Variants in SRSF4 observed in about 807,000 individuals in gnomAD.
The protein encoded by SRSF4 is serine/arginine-rich splicing factor 4.
In SRSF4, 12 loss-of-function variants were observed where a neutral mutation model predicts 48.8. The ratio of observed to expected loss-of-function variants is 0.25; its 90% CI spans 0.16 to 0.40. The LOEUF is 0.40. SRSF4 is among the 10% of genes least tolerant of loss of function. SRSF4 has a pLI of 1.00. For synonymous variants in SRSF4, 248 were observed against 232.5 expected, an observed-to-expected ratio of 1.07 and a Z score of -0.61; for missense variants, 466 against 667.1, an observed-to-expected ratio of 0.70 and a Z score of 3.32.
intron 1 of SRSF4, 148 bp from the exon 2 acceptor site, chr1:29,160,665 AC>A: frequency 1.2e-6 from 1 of 829,814 alleles, no homozygotes; most frequent in Non-Finnish European, 1.8e-6. Context: ...TTCAGGTGAA[AC>A]CACTTTGCTT....
Position 29,181,823 on chromosome 1 carries a change from C to A in SRSF4, c.-71G>T. On this transcript the variant is annotated 5_prime_UTR_variant, in exon 1 of 6. Coordinates refer to ENST00000373795, the MANE Select transcript of SRSF4 (RefSeq NM_005626.5). Reference sequence around the variant, plus strand: ...GGCGGCGGCGGGCAAAGCGAGAGCACGGCGGCAGCGGCGGCGGCGGCAACG... The same window carrying A: ...GGCGGCGGCGGGCAAAGCGAGAGCAAGGCGGCAGCGGCGGCGGCGGCAACG... 2.4e-6 allele frequency: 3 copies of A among 1,266,252 alleles called. No individual in the cohort carries two copies. Among genetic ancestry groups the A allele is most frequent in the African/African-American group, 1.6e-5 (1 of 64,274 alleles). 78.4% of individuals were successfully genotyped at this position (1,266,252 alleles called of 1,614,324 possible). A position where few individuals can be genotyped will look rare whatever the true frequency, so the allele number is the denominator to read the frequency against.
At chr1:29,178,506 GCTA>G (rs1404140474) in intron 1 of SRSF4, among the ~76,000 whole-genome samples, 3 of 151,870 alleles carry the variant, frequency 2.0e-5, no homozygotes, top group African/African-American at 7.3e-5. Context: ...ACCATGCCCG[GCTA>G]CTTTTTTTTA....
chr1:29,171,225 T>TA (rs1672740492), intron 1 of SRSF4: 1 of 151,702 alleles, frequency 6.6e-6, no homozygotes, highest in Admixed American at 6.6e-5. Context: ...GACAACATCA[T>TA]AAAAAATACC....
intron 3 of SRSF4, among the ~76,000 whole-genome samples, chr1:29,156,391 TC>T (rs556259707): frequency 0.012 from 1,752 of 151,996 alleles, 12 homozygotes; most frequent in Non-Finnish European, 0.021. Flanking sequence ...ACTACTAATA[TC>T]CCCTAATTTG....
intron 4 of SRSF4, among the ~76,000 whole-genome samples, chr1:29,153,880 C>A (rs373037047): frequency 6.6e-6 from 1 of 152,050 alleles, no homozygotes; most frequent in African/African-American, 2.4e-5. Flanking sequence ...GGATTACAGG[C>A]GTGAGCCACT....
At chr1:29,149,790 G>A (rs1052729786) in intron 5 of SRSF4, among the ~76,000 whole-genome samples, 3 of 151,644 alleles carry the variant, frequency 2.0e-5, no homozygotes, top group African/African-American at 4.8e-5. Flanking sequence ...GTCTGTAATC[G>A]CAGTAGTCTG....
chr1:29,178,025 G>A (rs1672895718), intron 1 of SRSF4, among the ~76,000 whole-genome samples: 1 of 149,630 alleles, frequency 6.7e-6, no homozygotes, highest in Admixed American at 6.8e-5. Flanking sequence ...TTAGCCTCTA[G>A]AGGAGCTGGG....
chr1:29,162,900 T>C (rs1672619947), intron 1 of SRSF4, among the ~76,000 whole-genome samples: 1 of 152,192 alleles, frequency 6.6e-6, no homozygotes, highest in Non-Finnish European at 1.5e-5. Context: ...GAAAGCCCAG[T>C]GGCCGCTGAT....
chr1:29,160,631 AC>A (rs1299464045), intron 1 of SRSF4, 114 bp from the exon 2 acceptor site: 2 of 1,236,950 alleles, frequency 1.6e-6, no homozygotes, highest in Non-Finnish European at 1.1e-6. Flanking sequence ...GATTTTGCAA[AC>A]TAAGGATCAA....
chr1:29,158,437 T>TC (rs1672534804), intron 3 of SRSF4, among the ~76,000 whole-genome samples: 1 of 151,440 alleles, frequency 6.6e-6, no homozygotes, highest in African/African-American at 2.4e-5. Flanking sequence ...GTAACCCTTT[T>TC]TTTTTTTTTT....
At chr1:29,150,260 T>C in intron 4 of SRSF4, 68 bp from the exon 5 acceptor site, 1 of 784,972 alleles carries the variant, frequency 1.3e-6, no homozygotes, top group East Asian at 3.6e-5. Context: ...ATCAAGACTA[T>C]ATATATTATA....
chr1:29,178,557 C>T (rs1177343063), intron 1 of SRSF4, among the ~76,000 whole-genome samples: 3 of 151,580 alleles, frequency 2.0e-5, no homozygotes, highest in East Asian at 1.9e-4. Flanking sequence ...GGGGTTTCAC[C>T]ATCTTAACCA....
chr1:29,161,742 G>T (rs1672600454), intron 1 of SRSF4, among the ~76,000 whole-genome samples: 1 of 152,208 alleles, frequency 6.6e-6, no homozygotes, highest in Non-Finnish European at 1.5e-5. Context: ...GGGATTACAG[G>T]CGCACGCCCC....
intron 1 of SRSF4, among the ~76,000 whole-genome samples, chr1:29,160,881 C>T (rs1162011027): frequency 6.6e-6 from 1 of 152,198 alleles, no homozygotes; most frequent in Non-Finnish European, 1.5e-5. Context: ...CCACATAAAA[C>T]TCATCTTTTT....
intron 1 of SRSF4, among the ~76,000 whole-genome samples, chr1:29,162,626 G>A (rs1016997327): frequency 6.6e-6 from 1 of 152,176 alleles, no homozygotes; most frequent in Non-Finnish European, 1.5e-5. Context: ...GACGCCATGC[G>A]GAGGGAGGAG....
intron 1 of SRSF4, among the ~76,000 whole-genome samples, chr1:29,163,683 T>C (rs1000741690): frequency 6.6e-6 from 1 of 152,226 alleles, no homozygotes; most frequent in African/African-American, 2.4e-5. Flanking sequence ...TTTATATTCA[T>C]AGCACCCATC....
chr1:29,148,581 C>T lies in SRSF4; in HGVS notation c.1314G>A (p.Gln438=). The change falls in exon 6 of 6, where the codon CAG becomes CAA. Residue 438 remains glutamine, a synonymous_variant. Transcript: ENST00000373795. ...TGGATCTCGACCTGGACCGGGTCTC[C>T]TGATTGGTGCCAGCATTCTCACTCT... ...RGESENAGTN[Q]ETRSRSRSNS... is the part of the protein sequence containing the mutation. 1 of 1,614,082 alleles carries T rather than the reference C, an allele frequency of 6.2e-7. No individual in the cohort carries two copies. Among genetic ancestry groups the T allele is most frequent in the South Asian group, 1.1e-5 (1 of 91,078 alleles).
At chr1:29,151,739 G>T (rs1379581691) in intron 4 of SRSF4, among the ~76,000 whole-genome samples, 3 of 152,208 alleles carry the variant, frequency 2.0e-5, no homozygotes, top group African/African-American at 4.8e-5. Flanking sequence ...TGAAAAAACA[G>T]AACTGTGGTT....
At chr1:29,162,964 A>G (rs1229494578) in intron 1 of SRSF4, among the ~76,000 whole-genome samples, 1 of 152,184 alleles carries the variant, frequency 6.6e-6, no homozygotes, top group Non-Finnish European at 1.5e-5. Context: ...CCAGACTCAA[A>G]GATCACCCTG....
Sources: gnomAD v4.1 joint callset for allele counts (sites outside exome capture counted in the v4.1 genomes callset) on GRCh38, gnomAD v4.1.1 for gene constraint, MANE v1.5 for transcripts, NCBI Gene and HGNC (gene_info 2026-07-23, HGNC 2026-07-21) for gene names.